Variants in DNTTIP1 observed in about 807,000 individuals in gnomAD.
The protein encoded by DNTTIP1 is deoxynucleotidyltransferase terminal-interacting protein 1.
Under a neutral mutation model 52.9 loss-of-function variants are expected in DNTTIP1, and 22 were observed. The observed-to-expected ratio is 0.42, with a 90% CI of 0.30 to 0.59. DNTTIP1 has a LOEUF of 0.59. Among genes scored for constraint, DNTTIP1 ranks in the 20% least tolerant of loss-of-function variants. The pLI is 0.22. For missense variants in DNTTIP1, 286 were observed against 435.5 expected (o/e 0.66, Z 3.06); for synonymous variants, 136 against 155.1 (o/e 0.88, Z 0.92).
At chr20:45,800,975 C>T in intron 4 of DNTTIP1, 99 bp from the exon 5 acceptor site, 2 of 1,012,328 alleles carry the variant, frequency 2.0e-6, no homozygotes, top group South Asian at 2.7e-5. Flanking sequence ...GCCTGAGCAA[C>T]AGAGCAAGAC....
intron 4 of DNTTIP1, among the ~76,000 whole-genome samples, chr20:45,799,311 AG>A (rs1158803305): frequency 6.6e-6 from 1 of 152,246 alleles, no homozygotes; most frequent in South Asian, 2.1e-4. Flanking sequence ...GAAGGAACAC[AG>A]GAAGTGTGGC....
chr20:45,792,464 A>G, intron 1 of DNTTIP1: 1 of 502,074 alleles, frequency 2.0e-6, no homozygotes. Context: ...CTGCCGTGCC[A>G]GAAGGCAGGG....
chr20:45,808,086 C>A (rs1325983592), intron 10 of DNTTIP1, among the ~76,000 whole-genome samples: 1 of 152,046 alleles, frequency 6.6e-6, no homozygotes, highest in Non-Finnish European at 1.5e-5. Flanking sequence ...GTAGCTCATA[C>A]CTGTAATCCC....
At chr20:45,802,781 C>T (rs1981517235) in intron 7 of DNTTIP1, among the ~76,000 whole-genome samples, 2 of 152,144 alleles carry the variant, frequency 1.3e-5, no homozygotes, top group South Asian at 4.1e-4. Flanking sequence ...CCCTAAAAAT[C>T]CTCTGTGTTC....
chr20:45,801,301 G>A (rs568911045), intron 5 of DNTTIP1, 101 bp from the exon 6 acceptor site: 282 of 1,456,826 alleles, frequency 1.9e-4, no homozygotes, highest in Middle Eastern at 1.4e-3. Context: ...GGGTCAGAGC[G>A]GGGCTGGAGA....
In DNTTIP1 at chr20:45,809,703, A is replaced by ATC. The variant is rs1239091374; in HGVS notation, c.795+519_795+520dup. Among the ~76,000 whole-genome samples the ATC allele has an allele frequency of 6.6e-6, 1 of 152,258 alleles. No homozygotes were observed. The highest frequency in any genetic ancestry group is 1.5e-5 in the Non-Finnish European group (1 of 68,046). On this transcript the variant is annotated intron_variant, in intron 11 of 12. Transcript: ENST00000372622. This position sits in a 1 kb window ranked among gnomAD's most constrained non-coding sequence, Gnocchi z 4.2. The stretch of plus-strand genomic sequence containing the variant: ...ATGAAACAGCAACCTTAGGAAAATC[A>ATC]TCATTGCATGTGTTCAAAAACTATT...
In DNTTIP1 at chr20:45,797,635, GA is replaced by G. The variant is rs558742680; in HGVS notation, c.372+2199del. Among the ~76,000 whole-genome samples, 467 of 152,076 alleles carry G rather than the reference GA, an allele frequency of 3.1e-3. 4 individuals are homozygous for G. The highest frequency in any genetic ancestry group is 0.011 in the African/African-American group (452 of 41,496). On this transcript the variant is annotated intron_variant, in intron 4 of 12. Transcript: ENST00000372622. Reference sequence around the variant, plus strand: ...ACAATGAACTCTAACAAATTTACAAGAAAAAAACAAGCAACCCCATCAACAA... The same window carrying G: ...ACAATGAACTCTAACAAATTTACAAGAAAAAACAAGCAACCCCATCAACAA...
chr20:45,795,138 C>T (rs1477617558), intron 3 of DNTTIP1, among the ~76,000 whole-genome samples: 1 of 152,120 alleles, frequency 6.6e-6, no homozygotes, highest in African/African-American at 2.4e-5. Context: ...GTTGGGCACC[C>T]CCACGATTAT....
chr20:45,805,990 G>C (rs1053015655), intron 10 of DNTTIP1, among the ~76,000 whole-genome samples: 1 of 151,932 alleles, frequency 6.6e-6, no homozygotes. Context: ...GCTGAGGCAG[G>C]AGAATCGCTT....
In DNTTIP1 at chr20:45,809,096, C is replaced by A. The variant is rs1179804566; in HGVS notation, c.724-18C>A. 6.2e-7 allele frequency: 1 copy of A among 1,613,160 alleles called. No homozygotes were observed. Among genetic ancestry groups the A allele is most frequent in the Non-Finnish European group, 8.5e-7 (1 of 1,179,098 alleles). On this transcript the variant is annotated intron_variant, in intron 10 of 12. Transcript: ENST00000372622. The surrounding 1 kb of genome is among the most constrained non-coding windows in gnomAD (Gnocchi z 4.2). ...CCCTTACCCGAGGCTAATTTTCTTACAACTTCATTCCTTACAGTATGCAGC... is the reference window on the plus strand; with the variant it reads ...CCCTTACCCGAGGCTAATTTTCTTAAAACTTCATTCCTTACAGTATGCAGC...
intron 4 of DNTTIP1, 86 bp downstream of exon 4, chr20:45,795,529 T>C (rs1221009559): frequency 1.2e-6 from 1 of 802,478 alleles, no homozygotes; most frequent in African/African-American, 1.7e-5. Flanking sequence ...CCGGACGTGG[T>C]GGCTCACACA....
At chr20:45,796,316 C>T in intron 4 of DNTTIP1, 2 of 366,694 alleles carry the variant, frequency 5.5e-6, no homozygotes, top group South Asian at 2.1e-5. Flanking sequence ...CATTGTACAC[C>T]TTGAATATAT....
Position 45,792,753 on chromosome 20 carries a change from G to C in DNTTIP1, c.176+6G>C, listed in dbSNP as rs1981075296. On this transcript the variant is annotated splice_donor_region_variant and intron_variant, in intron 2 of 12. Transcript: ENST00000372622. Reference sequence around the variant, plus strand: ...CGCTCACAGATGACAACAAGGTAAGGCTGGCCCTGCATGGGGCTTATATCC... The same window carrying C: ...CGCTCACAGATGACAACAAGGTAAGCCTGGCCCTGCATGGGGCTTATATCC... The C allele has an allele frequency of 2.5e-6, 4 of 1,607,756 alleles. No individual in the cohort carries two copies. In the East Asian group the frequency reaches 8.9e-5, roughly 36 times the overall value.
At chr20:45,807,172 G>T (rs1224137588) in intron 10 of DNTTIP1, among the ~76,000 whole-genome samples, 1 of 151,918 alleles carries the variant, frequency 6.6e-6, no homozygotes, top group Non-Finnish European at 1.5e-5. Flanking sequence ...ACCCAGGCTG[G>T]AGTGCAGTGG....
At chr20:45,804,879 G>T (rs1253192618) in intron 8 of DNTTIP1, among the ~76,000 whole-genome samples, 2 of 152,156 alleles carry the variant, frequency 1.3e-5, no homozygotes, top group Non-Finnish European at 1.5e-5. Context: ...ACTCACTTGT[G>T]TCCTTGCCTC....
intron 2 of DNTTIP1, among the ~76,000 whole-genome samples, chr20:45,793,314 G>A (rs6073915): frequency 0.44 from 67,176 of 151,724 alleles, 17,959 homozygotes; most frequent in Non-Finnish European, 0.6. Flanking sequence ...TGTAATCCCA[G>A]CACTTTGGGA....
rs376228646 is a variant in DNTTIP1, at chr20:45,810,957, T to C, written c.851+17T>C. The C allele has an allele frequency of 8.7e-6, 14 of 1,614,104 alleles. No individual in the cohort carries two copies. Among genetic ancestry groups the C allele is most frequent in the Non-Finnish European group, 1.1e-5 (13 of 1,180,026 alleles). On this transcript the variant is annotated intron_variant, in intron 12 of 12. Transcript: ENST00000372622. ...TGATTACAGGTAAAACCAGTGGGTC[T>C]CCTGCCCCTTCTCCTCTCCCTGCCT...
intron 10 of DNTTIP1, among the ~76,000 whole-genome samples, chr20:45,808,689 A>G (rs1223929808): frequency 2.0e-4 from 31 of 152,176 alleles, no homozygotes; most frequent in Admixed American, 2.0e-3. Flanking sequence ...CCTTATTTGT[A>G]ACTCCAAAAC....
chr20:45,798,212 C>A (rs1476690422), intron 4 of DNTTIP1, among the ~76,000 whole-genome samples: 1 of 152,050 alleles, frequency 6.6e-6, no homozygotes, highest in Non-Finnish European at 1.5e-5. Flanking sequence ...AACCATCATT[C>A]TCAGCAAACT....
Sources: gnomAD v4.1 joint callset for allele counts (sites outside exome capture counted in the v4.1 genomes callset) on GRCh38, gnomAD v4.1.1 for gene constraint, Gnocchi (gnomAD v3.1) non-coding constraint, MANE v1.5 for transcripts, NCBI Gene and HGNC (gene_info 2026-07-23, HGNC 2026-07-21) for gene names.